ABCC1: variants seen among roughly 807,000 people sequenced by gnomAD.
The protein encoded by ABCC1 is multidrug resistance-associated protein 1.
In ABCC1, 83 loss-of-function variants were observed where a neutral mutation model predicts 172.9. The ratio of observed to expected loss-of-function variants is 0.48; its 90% CI spans 0.40 to 0.58. The LOEUF is 0.58. Among genes scored for constraint, ABCC1 ranks in the 20% least tolerant of loss-of-function variants. ABCC1 has a pLI of 0.00. For synonymous variants in ABCC1, 937 were observed against 825.2 expected (o/e 1.14, Z -2.32); for missense variants, 1,817 against 2,002.7 (o/e 0.91, Z 1.77).
rs2046133657 is a variant in ABCC1 at position 16,141,731 on chromosome 16, C to CTTGTCTGGG, written c.*451_*452insTGTCTGGGT. ...TTGAGATGCTTCTGGCTCCCATCAC[C>CTTGTCTGGG]TCTAACATCCTTGTCTGGGTCTACC... is the stretch of plus-strand genomic sequence containing the variant. On this transcript the variant is annotated 3_prime_UTR_variant, in exon 31 of 31. Transcript: ENST00000399410. 5.9e-6 allele frequency: 1 copy of CTTGTCTGGG among 168,774 alleles called. No homozygotes were observed. Among genetic ancestry groups the CTTGTCTGGG allele is most frequent in the Non-Finnish European group, 1.3e-5 (1 of 78,784 alleles). The allele number at this position is 168,774 out of a possible 1,614,324, so 10.5% of individuals were successfully genotyped here.
intron 1 of ABCC1, among the ~76,000 whole-genome samples, chr16:15,999,819 T>TCCTCTCTCTCTCTCTCTC (rs1247457123): frequency 4.4e-5 from 3 of 68,604 alleles, no homozygotes; most frequent in African/African-American, 1.4e-4. Flanking sequence ...CCTCTCTCTC[T>TCCTCTCTCTCTCTCTCTC]CTCTCTCTCT....
At chr16:15,966,593 C>T (rs569070891) in intron 1 of ABCC1, among the ~76,000 whole-genome samples, 34 of 151,506 alleles carry the variant, frequency 2.2e-4, no homozygotes, top group Admixed American at 6.6e-4. Flanking sequence ...AACCCAGGAT[C>T]GCATGTTAGA....
At chr16:15,978,221 A>G (rs944779195) in intron 1 of ABCC1, among the ~76,000 whole-genome samples, 1 of 151,866 alleles carries the variant, frequency 6.6e-6, no homozygotes. Flanking sequence ...AAATTTAGCT[A>G]GGTTTGGTGG....
intron 1 of ABCC1, among the ~76,000 whole-genome samples, chr16:15,989,283 C>T (rs556364019): frequency 1.3e-5 from 2 of 152,196 alleles, no homozygotes; most frequent in Admixed American, 1.3e-4. Flanking sequence ...TGGGGTGCAG[C>T]CCAGCCAACA....
chr16:16,076,084 C>T (rs1299666787), intron 14 of ABCC1: 1 of 516,810 alleles, frequency 1.9e-6, no homozygotes, highest in African/African-American at 2.0e-5. Flanking sequence ...TGGCGCAACC[C>T]CATCTTACAA....
At chr16:16,107,153 G>A (rs567697899) in intron 21 of ABCC1, among the ~76,000 whole-genome samples, 51 of 152,178 alleles carry the variant, frequency 3.4e-4, no homozygotes, top group Non-Finnish European at 5.1e-4. Context: ...CAGCTCAGGG[G>A]GGTCTCATTC....
chr16:15,991,406 T>C (rs2046865665), intron 1 of ABCC1, among the ~76,000 whole-genome samples: 1 of 152,150 alleles, frequency 6.6e-6, no homozygotes, highest in South Asian at 2.1e-4. Flanking sequence ...TCTTGCAATA[T>C]ACATGAAAAG....
chr16:16,089,148 G>A (rs3851710), intron 18 of ABCC1, among the ~76,000 whole-genome samples: 61,101 of 152,136 alleles, frequency 0.4, 14,513 homozygotes, highest in Non-Finnish European at 0.53. Context: ...TTAATAGTTT[G>A]ATGAATGTCT....
rs371204002 is a variant in ABCC1, at chr16:16,068,273, C to T, written c.1795C>T (p.Leu599Phe). 3 of 1,614,168 alleles carry T rather than the reference C, an allele frequency of 1.9e-6. No individual in the cohort carries two copies. Among genetic ancestry groups the T allele is most frequent in the Non-Finnish European group, 2.5e-6 (3 of 1,180,034 alleles). ...CATCCTCCGGTTTCCCCTGAACATT[C>T]TCCCCATGGTCATCAGCAGCATCGT... Reference protein sequence around the residue: ...FNILRFPLNILPMVISSIVQA... With the variant: ...FNILRFPLNIFPMVISSIVQA... The change falls in exon 13 of 31, where the codon CTC (leucine) becomes TTC (phenylalanine). Residue 599 changes from leucine (L) to phenylalanine (F), a missense_variant. Physicochemically the swap from Leu to Phe is conservative, Grantham distance 22. This residue lies in a region of ABCC1 where 1,412 missense variants were observed against 1,600.3 expected (regional missense o/e 0.88). Transcript: ENST00000399410.
chr16:15,982,404 CCTT>C lies in ABCC1; in HGVS notation c.49-25407_49-25405del, dbSNP rs573157109. The stretch of plus-strand genomic sequence containing the variant: ...ATGGTAGAAGGGGAAGCAAACACGT[CCTT>C]CTTCACATGGCGGCAGGAAGGAGAA... On this transcript the variant is annotated intron_variant, in intron 1 of 30. Coordinates refer to ENST00000399410, the MANE Select transcript of ABCC1 (RefSeq NM_004996.4). Among the ~76,000 whole-genome samples, 511 of 152,104 alleles carry C rather than the reference CCTT, an allele frequency of 3.4e-3. 1 individual carries two copies. The highest frequency in any genetic ancestry group is 5.9e-3 in the Non-Finnish European group (401 of 68,006).
intron 9 of ABCC1, among the ~76,000 whole-genome samples, chr16:16,047,231 C>T (rs2049248205): frequency 1.3e-5 from 2 of 152,100 alleles, no homozygotes; most frequent in African/African-American, 2.4e-5. Flanking sequence ...ACCTAGGTTG[C>T]ACCAGACCAG....
In ABCC1 at chr16:16,138,962, C is replaced by T. The variant is rs570052445; in HGVS notation, c.4487+404C>T. Among the ~76,000 whole-genome samples, 102 of 152,270 alleles carry T rather than the reference C, an allele frequency of 6.7e-4. 1 individual carries two copies. In the South Asian group the frequency reaches 0.013, roughly 20 times the overall value. On this transcript the variant is annotated intron_variant, in intron 30 of 30. Transcript: ENST00000399410. ...TGACCTCAGGCGATCTGCCCGCCTC[C>T]GCCTCCCAAATTGCTGGGATTACAG...
chr16:15,989,204 T>G (rs1351889582), intron 1 of ABCC1, among the ~76,000 whole-genome samples: 1 of 152,070 alleles, frequency 6.6e-6, no homozygotes, highest in Non-Finnish European at 1.5e-5. Flanking sequence ...GTGATGGGGA[T>G]AAGTCTGGAA....
chr16:16,113,055 A>C (rs2044690669), intron 22 of ABCC1, among the ~76,000 whole-genome samples: 1 of 152,188 alleles, frequency 6.6e-6, no homozygotes, highest in African/African-American at 2.4e-5. Context: ...GCTCTGGAAC[A>C]CACAGTGCGC....
chr16:16,139,827 G>A (rs541657013), intron 30 of ABCC1, among the ~76,000 whole-genome samples: 1 of 152,214 alleles, frequency 6.6e-6, no homozygotes, highest in Admixed American at 6.5e-5. Context: ...TGACATTTTA[G>A]CTGAGACCTG....
chr16:16,025,561 C>A (rs142679857), intron 5 of ABCC1, among the ~76,000 whole-genome samples: 1 of 152,116 alleles, frequency 6.6e-6, no homozygotes, highest in Non-Finnish European at 1.5e-5. Context: ...CAGTGCAGAG[C>A]GGAGGTAACC....
At position 16,115,019 on chromosome 16, in the gene ABCC1, C is replaced by T; in HGVS notation, c.3333C>T (p.Ala1111=). 11 of 1,614,214 alleles carry T rather than the reference C, an allele frequency of 6.8e-6. No individual in the cohort carries two copies. The highest frequency in any genetic ancestry group is 9.3e-6 in the Non-Finnish European group (11 of 1,180,044). ...GTGCCTGCATCGTTATCCTGCTGGCCACGCCCATCGCCGCCATCATCATCC... is the reference window on the plus strand; with the variant it reads ...GTGCCTGCATCGTTATCCTGCTGGCTACGCCCATCGCCGCCATCATCATCC... ...VIGACIVILL[A]TPIAAIIIPP... is the part of the protein sequence containing the mutation. Residue 1111 remains alanine, a synonymous_variant, in exon 23 of 31, where the codon GCC becomes GCT. Transcript: ENST00000399410.
At chr16:16,105,694 A>T (rs1466485396) in intron 20 of ABCC1, among the ~76,000 whole-genome samples, 2 of 149,768 alleles carry the variant, frequency 1.3e-5, no homozygotes, top group Non-Finnish European at 3.0e-5. Flanking sequence ...TGGTCTCCAT[A>T]ATTTCTTTTC....
rs1190734514 is a variant in ABCC1 at position 16,142,223 on chromosome 16, C to G, written c.*942C>G. The G allele has an allele frequency of 6.6e-6, 1 of 152,208 alleles. No individual in the cohort carries two copies. The highest frequency in any genetic ancestry group is 1.5e-5 in the Non-Finnish European group (1 of 68,060). 9.4% of individuals were successfully genotyped at this position (152,208 alleles called of 1,614,324 possible). ...ATTTGACCTTGACTAGAAATAGAGACTGAGAGTGAGCAACCAGCTGGAAGG... is the reference window on the plus strand; with the variant it reads ...ATTTGACCTTGACTAGAAATAGAGAGTGAGAGTGAGCAACCAGCTGGAAGG... On this transcript the variant is annotated 3_prime_UTR_variant, in exon 31 of 31. Coordinates refer to ENST00000399410, the MANE Select transcript of ABCC1 (RefSeq NM_004996.4).
Sources: allele counts gnomAD v4.1 joint callset (sites outside exome capture counted in the v4.1 genomes callset), GRCh38; gene constraint gnomAD v4.1.1; regional missense constraint gnomAD v4.1.1; transcripts MANE v1.5; gene names NCBI Gene and HGNC (gene_info 2026-07-23, HGNC 2026-07-21).